Variants in GPR158 observed in about 807,000 individuals in gnomAD.
The protein encoded by GPR158 is metabotropic glycine receptor.
A neutral mutation model predicts 78.2 loss-of-function variants in GPR158; 30 were observed. The ratio of observed to expected loss-of-function variants is 0.38; its 90% CI spans 0.29 to 0.52. The LOEUF is 0.52. Among genes scored for constraint, GPR158 ranks in the 20% least tolerant of loss-of-function variants. The pLI is 0.83. For synonymous variants in GPR158, 581 were observed against 591.1 expected (o/e 0.98, Z 0.25); for missense variants, 1,463 against 1,523.5 (o/e 0.96, Z 0.66).
intron 4 of GPR158, among the ~76,000 whole-genome samples, chr10:25,452,384 A>G (rs1262639555): frequency 6.6e-6 from 1 of 152,160 alleles, no homozygotes; most frequent in Non-Finnish European, 1.5e-5. Flanking sequence ...ATTCATTTAT[A>G]TCTCTTTTAT....
chr10:25,429,413 A>C (rs1404294682), intron 4 of GPR158, among the ~76,000 whole-genome samples: 2 of 152,136 alleles, frequency 1.3e-5, no homozygotes, highest in Non-Finnish European at 2.9e-5. Flanking sequence ...CAAATATTTT[A>C]TGAGTTCCAA....
At chr10:25,499,558 C>T (rs1351943146) in intron 5 of GPR158, among the ~76,000 whole-genome samples, 1 of 152,226 alleles carries the variant, frequency 6.6e-6, no homozygotes, top group Non-Finnish European at 1.5e-5. Context: ...AAGACTCTTG[C>T]TCTCATGAAG....
In GPR158 at chr10:25,176,422, G is replaced by A. The variant is rs2130621988; in HGVS notation, c.902+100G>A. ...TGAGGAAGGAACCCTTGGCTGTGAC[G>A]CGAACGCTTCTCACCCTCAGAGTAG... On this transcript the variant is annotated intron_variant, in intron 1 of 10. Transcript: ENST00000376351. The surrounding 1 kb of genome is among the most constrained non-coding windows in gnomAD (Gnocchi z 6.3). 2.1e-6 allele frequency: 2 copies of A among 962,836 alleles called. No individual in the cohort carries two copies. The highest frequency in any genetic ancestry group is 3.0e-6 in the Non-Finnish European group (2 of 662,724). 59.6% of individuals were successfully genotyped at this position (962,836 alleles called of 1,614,324 possible).
intron 5 of GPR158, among the ~76,000 whole-genome samples, chr10:25,546,763 T>C (rs1202880331): frequency 6.6e-6 from 1 of 152,156 alleles, no homozygotes; most frequent in Non-Finnish European, 1.5e-5. Context: ...GTAGGGCCAG[T>C]GTGCTAAGCC....
At chr10:25,487,099 T>C (rs1485127164) in intron 5 of GPR158, among the ~76,000 whole-genome samples, 1 of 152,036 alleles carries the variant, frequency 6.6e-6, no homozygotes, top group African/African-American at 2.4e-5. Context: ...TTCCTGGGAT[T>C]AAGAGGTGGA....
At chr10:25,472,119 C>G (rs1259438633) in intron 5 of GPR158, among the ~76,000 whole-genome samples, 4 of 152,172 alleles carry the variant, frequency 2.6e-5, no homozygotes, top group East Asian at 3.9e-4. Context: ...GTCTTTAATC[C>G]ATTTTGAATT....
chr10:25,237,964 C>CGTCCTTCA (rs1039618837), intron 2 of GPR158, among the ~76,000 whole-genome samples: 1 of 152,010 alleles, frequency 6.6e-6, no homozygotes, highest in African/African-American at 2.4e-5. Context: ...TTTCTTTGCC[C>CGTCCTTCA]GTCCTTCACT....
rs974401732 is a variant in GPR158, at chr10:25,518,483, C to G, written c.1405-32493C>G. The stretch of plus-strand genomic sequence containing the variant: ...TGTTGTTCGGGTGTCAATTTTAGAT[C>G]TTTCCTGCTTTCTCTTGTGGGCATT... On this transcript the variant is annotated intron_variant, in intron 5 of 10. Transcript: ENST00000376351. Among the ~76,000 whole-genome samples the G allele has an allele frequency of 5.2e-5, 5 of 95,974 alleles. 1 individual carries two copies. Among genetic ancestry groups the G allele is most frequent in the African/African-American group, 1.0e-4 (2 of 19,072 alleles). 63.0% of individuals were successfully genotyped at this position (95,974 alleles called of 152,430 possible).
chr10:25,363,304 G>T (rs560840513), intron 2 of GPR158, among the ~76,000 whole-genome samples: 1 of 151,800 alleles, frequency 6.6e-6, no homozygotes, highest in Non-Finnish European at 1.5e-5. Context: ...TTATCATGGA[G>T]TATATTCATT....
intron 2 of GPR158, among the ~76,000 whole-genome samples, chr10:25,257,999 A>G (rs886316042): frequency 6.6e-6 from 1 of 152,194 alleles, no homozygotes; most frequent in African/African-American, 2.4e-5. Flanking sequence ...ATAGAAGTAA[A>G]ATGTGGCTTT....
chr10:25,450,644 T>A (rs931860923), intron 4 of GPR158, among the ~76,000 whole-genome samples: 3 of 152,136 alleles, frequency 2.0e-5, no homozygotes, highest in Non-Finnish European at 4.4e-5. Context: ...TAGACTCTAC[T>A]TTGATTACAT....
At position 25,583,654 on chromosome 10, in the gene GPR158, A is replaced by AAT. The variant is rs201347148; in HGVS notation, c.1754-5350_1754-5349dup. Among the ~76,000 whole-genome samples, 419 of 132,120 alleles carry AAT rather than the reference A, an allele frequency of 3.2e-3. 1 individual carries two copies. The highest frequency in any genetic ancestry group is 0.011 in the African/African-American group (402 of 37,030). 86.7% of individuals were successfully genotyped at this position (132,120 alleles called of 152,430 possible). A position where few individuals can be genotyped will look rare whatever the true frequency, so the allele number is the denominator to read the frequency against. On this transcript the variant is annotated intron_variant, in intron 7 of 10. Transcript: ENST00000376351. ...ATGAGTTATCCTGGGTAGAATTGTA[A>AAT]ATATTTTTTTTTTACTTTAACCATG...
chr10:25,489,024 G>A (rs988443155), intron 5 of GPR158, among the ~76,000 whole-genome samples: 2 of 152,096 alleles, frequency 1.3e-5, no homozygotes, highest in Non-Finnish European at 2.9e-5. Flanking sequence ...TATACAAATT[G>A]CTAATTTTAA....
Position 25,433,568 on chromosome 10 carries a change from TGTGCGCGCGC to T in GPR158, c.1335+21097_1335+21106del, listed in dbSNP as rs1187467732. On this transcript the variant is annotated intron_variant, in intron 4 of 10. Transcript: ENST00000376351. The stretch of plus-strand genomic sequence containing the variant: ...TGTGTTGTGTGTGTGTGTGTGTGTG[TGTGCGCGCGC>T]GCGTGCGCGTGCGCATATATGAATG... Among the ~76,000 whole-genome samples, 440 of 147,718 alleles carry T rather than the reference TGTGCGCGCGC, an allele frequency of 3.0e-3. 1 individual carries two copies. Among genetic ancestry groups the T allele is most frequent in the South Asian group, 0.016 (71 of 4,572 alleles).
intron 2 of GPR158, among the ~76,000 whole-genome samples, chr10:25,270,147 G>T (rs1039743043): frequency 1.8e-4 from 27 of 152,130 alleles, no homozygotes; most frequent in African/African-American, 6.3e-4. Context: ...TACTTCAGGT[G>T]TACTCCATTG....
At chr10:25,207,713 A>G (rs1853063551) in intron 1 of GPR158, among the ~76,000 whole-genome samples, 1 of 152,094 alleles carries the variant, frequency 6.6e-6, no homozygotes. Flanking sequence ...CAAGGGGTTG[A>G]GGGACTCCTG....
At chr10:25,499,860 T>C (rs117283334) in intron 5 of GPR158, among the ~76,000 whole-genome samples, 2 of 152,110 alleles carry the variant, frequency 1.3e-5, no homozygotes, top group African/African-American at 4.8e-5. Context: ...CCTGCGTCAC[T>C]GTGGGAAGGG....
chr10:25,526,103 TAAAAAAAAAAAAA>T (rs4017850), intron 5 of GPR158, among the ~76,000 whole-genome samples: 5 of 69,202 alleles, frequency 7.2e-5, no homozygotes, highest in East Asian at 5.8e-4. Flanking sequence ...CAATTTTGTC[TAAAAAAAAAAAAA>T]AAAAAAAAAA....
chr10:25,315,177 A>G (rs1416863254), intron 2 of GPR158, among the ~76,000 whole-genome samples: 1 of 152,002 alleles, frequency 6.6e-6, no homozygotes, highest in South Asian at 2.1e-4. Context: ...TTGGTCTGCT[A>G]TTTCTTTACT....
Sources: allele counts gnomAD v4.1 joint callset (sites outside exome capture counted in the v4.1 genomes callset), GRCh38; gene constraint gnomAD v4.1.1; non-coding constraint Gnocchi (gnomAD v3.1); transcripts MANE v1.5; gene names NCBI Gene and HGNC (gene_info 2026-07-23, HGNC 2026-07-21).